GALNT13: variants seen among roughly 807,000 people sequenced by gnomAD.
GALNT13 encodes UDP-GalNAc:polypeptide N-acetylgalactosaminyltransferase 13.
Under a neutral mutation model 64.2 loss-of-function variants are expected in GALNT13, and 28 were observed. The observed-to-expected ratio is 0.44, with a 90% CI of 0.32 to 0.60. The LOEUF is 0.60. GALNT13 is among the 20% of genes least tolerant of loss of function. GALNT13 has a pLI of 0.05. For missense variants in GALNT13, 577 were observed against 669.8 expected, an observed-to-expected ratio of 0.86 and a Z score of 1.53; for synonymous variants, 214 against 224.6, an observed-to-expected ratio of 0.95 and a Z score of 0.42.
intron 12 of GALNT13, chr2:154,445,874 G>T (rs1357712143): frequency 8.0e-7 from 1 of 1,243,892 alleles, no homozygotes; most frequent in East Asian, 5.6e-5. Context: ...GGCTTTCCTG[G>T]AGCTTATGTT....
At chr2:153,515,817 A>C in the GALNT13 span, among the ~76,000 whole-genome samples, 15 of 152,118 alleles carry the variant, frequency 9.9e-5, no homozygotes, top group African/African-American at 3.6e-4. Flanking sequence ...AAAGACACTA[A>C]GGTGAAAAAA....
At chr2:153,296,374 C>T in the GALNT13 span, among the ~76,000 whole-genome samples, 3 of 152,036 alleles carry the variant, frequency 2.0e-5, no homozygotes, top group African/African-American at 7.2e-5. Context: ...TAATTGGCAC[C>T]TACCTTGCAA....
the GALNT13 span, among the ~76,000 whole-genome samples, chr2:153,118,147 C>CACACACACACACACACA: frequency 1.2e-3 from 173 of 140,258 alleles, 6 homozygotes; most frequent in East Asian, 2.7e-3. Context: ...ACACACACAC[C>CACACACACACACACACA]CCACATAAAC....
chr2:153,599,580 G>T, the GALNT13 span, among the ~76,000 whole-genome samples: 4 of 151,858 alleles, frequency 2.6e-5, no homozygotes, highest in African/African-American at 9.7e-5. Flanking sequence ...TGAACCCAAG[G>T]TCAGACCTTA....
At chr2:153,075,037 A>G in the GALNT13 span, among the ~76,000 whole-genome samples, 22 of 152,132 alleles carry the variant, frequency 1.4e-4, no homozygotes, top group African/African-American at 5.1e-4. Context: ...CTGGCCTACA[A>G]TATTATTAAT....
At chr2:154,181,424 A>G (rs1685952567) in intron 4 of GALNT13, among the ~76,000 whole-genome samples, 1 of 152,024 alleles carries the variant, frequency 6.6e-6, no homozygotes, top group Non-Finnish European at 1.5e-5. Flanking sequence ...TTACATTAAC[A>G]TTTTTTCTCT....
At chr2:153,169,014 TAA>T in the GALNT13 span, among the ~76,000 whole-genome samples, 123 of 149,996 alleles carry the variant, frequency 8.2e-4, no homozygotes, top group African/African-American at 2.1e-3. Flanking sequence ...AACTATAGTT[TAA>T]AAAAAAAAAA....
chr2:154,237,370 T>C (rs1689245832), intron 4 of GALNT13, among the ~76,000 whole-genome samples: 1 of 151,556 alleles, frequency 6.6e-6, no homozygotes. Context: ...TTGTCTCAAG[T>C]AGAATAGATT....
the GALNT13 span, among the ~76,000 whole-genome samples, chr2:153,537,752 C>T: frequency 1.3e-5 from 2 of 152,082 alleles, no homozygotes; most frequent in South Asian, 2.1e-4. Flanking sequence ...GGCGATTTTC[C>T]CCCTTCACTC....
At chr2:153,378,830 C>A in the GALNT13 span, among the ~76,000 whole-genome samples, 1 of 152,066 alleles carries the variant, frequency 6.6e-6, no homozygotes, top group Non-Finnish European at 1.5e-5. Context: ...CAACTTGTAC[C>A]CGCTTAAATA....
the GALNT13 span, among the ~76,000 whole-genome samples, chr2:153,604,822 A>C: frequency 4.1e-3 from 625 of 152,184 alleles, 3 homozygotes; most frequent in African/African-American, 0.014. Flanking sequence ...TACCTATTGG[A>C]TGGTTTCTGT....
chr2:153,240,087 G>T, the GALNT13 span, among the ~76,000 whole-genome samples: 2 of 151,904 alleles, frequency 1.3e-5, no homozygotes, highest in Non-Finnish European at 1.5e-5. Flanking sequence ...TTTCTTCTAG[G>T]TTTTTCCAAT....
the GALNT13 span, among the ~76,000 whole-genome samples, chr2:153,697,607 A>C: frequency 4.4e-4 from 67 of 152,334 alleles, no homozygotes; most frequent in African/African-American, 1.4e-3. Flanking sequence ...GACTATCTCT[A>C]ATATTCAAGA....
intron 3 of GALNT13, among the ~76,000 whole-genome samples, chr2:154,069,428 A>AT (rs1438164548): frequency 2.0e-5 from 3 of 151,956 alleles, no homozygotes; most frequent in Non-Finnish European, 4.4e-5. Flanking sequence ...ACCAAGAGAG[A>AT]TTTTAATAGA....
At chr2:154,384,668 G>T (rs1359876291) in intron 9 of GALNT13, among the ~76,000 whole-genome samples, 2 of 151,802 alleles carry the variant, frequency 1.3e-5, no homozygotes, top group East Asian at 1.9e-4. Flanking sequence ...CTTTATATTT[G>T]CAGGATGACT....
At chr2:153,249,379 A>T in the GALNT13 span, among the ~76,000 whole-genome samples, 349 of 152,338 alleles carry the variant, frequency 2.3e-3, no homozygotes, top group Non-Finnish European at 3.8e-3. Flanking sequence ...ATGAGAGAGG[A>T]CACAAATCAA....
chr2:153,459,415 A>C, the GALNT13 span, among the ~76,000 whole-genome samples: 1 of 152,088 alleles, frequency 6.6e-6, no homozygotes, highest in South Asian at 2.1e-4. Context: ...CAGGAGTTCA[A>C]ACCCTGGGCA....
At chr2:154,329,930 G>T (rs1298095165) in intron 9 of GALNT13, among the ~76,000 whole-genome samples, 3 of 152,036 alleles carry the variant, frequency 2.0e-5, no homozygotes, top group Non-Finnish European at 2.9e-5. Flanking sequence ...CTGGTGTAAT[G>T]CCTTCCTACA....
chr2:154,225,915 G>A (rs914606513), intron 4 of GALNT13, among the ~76,000 whole-genome samples: 1 of 152,070 alleles, frequency 6.6e-6, no homozygotes, highest in African/African-American at 2.4e-5. Flanking sequence ...GTGTGGGGCA[G>A]GACCCTCTCC....
Sources: allele counts gnomAD v4.1 joint callset (sites outside exome capture counted in the v4.1 genomes callset), GRCh38; gene constraint gnomAD v4.1.1; transcripts MANE v1.5; gene names NCBI Gene and HGNC (gene_info 2026-07-23, HGNC 2026-07-21).